Variants in ALG1L2 observed in about 807,000 individuals in gnomAD.
The protein encoded by ALG1L2 is putative glycosyltransferase ALG1L2.
ALG1L2 carries 32 observed loss-of-function variants against 29.0 expected under a neutral mutation model. The observed-to-expected ratio is 1.10, with a 90% CI of 0.83 to 1.48. The LOEUF is 1.48. ALG1L2 is among the 40% of genes most tolerant of loss of function. The pLI is 0.00. For missense variants in ALG1L2, 318 were observed against 274.1 expected, an observed-to-expected ratio of 1.16 and a Z score of -1.13; for synonymous variants, 110 against 109.5, an observed-to-expected ratio of 1.00 and a Z score of -0.03.
chr3:130,090,036 T>C (rs1365191782), intron 1 of ALG1L2, among the ~76,000 whole-genome samples: 2 of 150,816 alleles, frequency 1.3e-5, no homozygotes, highest in African/African-American at 4.9e-5. Flanking sequence ...AAGTGAAAAA[T>C]CCATCTCTAA....
At chr3:130,087,683 G>C (rs980920288) in intron 1 of ALG1L2, among the ~76,000 whole-genome samples, 1 of 130,992 alleles carries the variant, frequency 7.6e-6, no homozygotes, top group African/African-American at 2.6e-5. Flanking sequence ...GAATCTCAGC[G>C]AAGGGTATAA....
chr3:130,086,685 A>G (rs573756855), intron 1 of ALG1L2, among the ~76,000 whole-genome samples: 43 of 136,966 alleles, frequency 3.1e-4, no homozygotes, highest in Non-Finnish European at 5.5e-4. Flanking sequence ...TCTAAAAGTA[A>G]GAGAAGAGAA....
intron 4 of ALG1L2, chr3:130,094,122 T>G: frequency 2.1e-6 from 1 of 465,898 alleles, no homozygotes; most frequent in Admixed American, 3.4e-5. Context: ...ACCCAGTGGG[T>G]GGTCGCGTGC....
intron 3 of ALG1L2, among the ~76,000 whole-genome samples, chr3:130,092,723 T>C (rs1303073557): frequency 6.6e-6 from 1 of 152,170 alleles, no homozygotes; most frequent in African/African-American, 2.4e-5. Context: ...GGACTCTGGC[T>C]ACTGTTTATT....
intron 7 of ALG1L2, 90 bp downstream of exon 7, chr3:130,097,340 G>A: frequency 6.5e-7 from 1 of 1,546,548 alleles, no homozygotes; most frequent in Non-Finnish European, 8.7e-7. Flanking sequence ...ACACAGCCAG[G>A]GTGGGACCAT....
chr3:130,094,307 G>T (rs1935083266), intron 4 of ALG1L2, 96 bp from the exon 5 acceptor site: 2 of 1,476,318 alleles, frequency 1.4e-6, no homozygotes, highest in South Asian at 2.3e-5. Flanking sequence ...GAGCTTCTGG[G>T]AAAAGGATCC....
chr3:130,092,410 C>T (rs139211905), intron 3 of ALG1L2, among the ~76,000 whole-genome samples, 188 bp downstream of exon 3: 21 of 152,314 alleles, frequency 1.4e-4, no homozygotes, highest in East Asian at 5.8e-4. Flanking sequence ...TCATAGAGGA[C>T]GAAGACTTCT....
rs1402046839 is a variant in ALG1L2, at chr3:130,091,282, G to A, written c.42G>A (p.Lys14=). ...TAGWAVTVYD[K]PASFFKEAPL... ...GCAGGGCTGTGACCGTCTACGACAAGCCGGCATCTTTCTTTAAAGAGGCAC... is the reference window on the plus strand; with the variant it reads ...GCAGGGCTGTGACCGTCTACGACAAACCGGCATCTTTCTTTAAAGAGGCAC... The change falls in exon 2 of 8, where the codon AAG becomes AAA. Residue 14 remains lysine (K), a synonymous_variant. Transcript: ENST00000425059. The A allele has an allele frequency of 1.3e-6, 2 of 1,599,532 alleles. No individual in the cohort carries two copies. Among genetic ancestry groups the A allele is most frequent in the Non-Finnish European group, 1.7e-6 (2 of 1,179,768 alleles).
intron 5 of ALG1L2, 115 bp from the exon 6 acceptor site, chr3:130,095,933 TC>T (rs1203547335): frequency 9.0e-7 from 1 of 1,111,632 alleles, no homozygotes; most frequent in Non-Finnish European, 1.3e-6. Flanking sequence ...GTTGGGGATG[TC>T]GGGGGCCTTA....
intron 1 of ALG1L2, among the ~76,000 whole-genome samples, chr3:130,084,924 G>T (rs6783164): frequency 8.4e-6 from 1 of 118,650 alleles, no homozygotes; most frequent in Admixed American, 8.8e-5. Flanking sequence ...GTGTGTGTGT[G>T]TATATATATA....
At chr3:130,094,038 T>G in intron 4 of ALG1L2, 1 of 273,020 alleles carries the variant, frequency 3.7e-6, no homozygotes, top group Non-Finnish European at 7.2e-6. Flanking sequence ...CTGCGCCCTG[T>G]GGTTTGGGGG....
intron 1 of ALG1L2, among the ~76,000 whole-genome samples, chr3:130,089,027 A>G (rs1297551069): frequency 6.6e-6 from 1 of 152,270 alleles, no homozygotes; most frequent in Non-Finnish European, 1.5e-5. Flanking sequence ...TTGGATGAGT[A>G]GGGCTAGCCA....
intron 2 of ALG1L2, chr3:130,091,836 C>A (rs1450285819): frequency 2.2e-5 from 15 of 693,644 alleles, no homozygotes; most frequent in Admixed American, 1.3e-4. Context: ...GCACCCTCAT[C>A]TTGGGTCCAG....
intron 5 of ALG1L2, among the ~76,000 whole-genome samples, chr3:130,095,409 TTTA>T (rs869099473): frequency 0.24 from 28,430 of 120,782 alleles, 2,796 homozygotes; most frequent in South Asian, 0.35. Flanking sequence ...TGTGCTGTGG[TTTA>T]TTATTATTAT....
At position 130,091,304 on chromosome 3, in the gene ALG1L2, G is replaced by A. The variant is rs1200139615; in HGVS notation, c.64G>A (p.Ala22Thr). The change falls in exon 2 of 8, where the codon GCA becomes ACA. Residue 22 changes from alanine (A) to threonine (T), a missense_variant. Coordinates refer to ENST00000425059, the MANE Select transcript of ALG1L2 (RefSeq NM_001136152.1). Reference protein sequence around the residue: ...YDKPASFFKEAPLDLQHRLFM... With the variant: ...YDKPASFFKETPLDLQHRLFM... Reference sequence around the variant, plus strand: ...CAAGCCGGCATCTTTCTTTAAAGAGGCACCTCTGGACCTGCAGCACCGGCT... The same window carrying A: ...CAAGCCGGCATCTTTCTTTAAAGAGACACCTCTGGACCTGCAGCACCGGCT... 5.0e-6 allele frequency: 8 copies of A among 1,598,982 alleles called. No homozygotes were observed. The highest frequency in any genetic ancestry group is 5.0e-5 in the Admixed American group (3 of 59,990).
At chr3:130,095,045 G>C (rs1935100425) in intron 5 of ALG1L2, among the ~76,000 whole-genome samples, 1 of 152,204 alleles carries the variant, frequency 6.6e-6, no homozygotes, top group Non-Finnish European at 1.5e-5. Flanking sequence ...TCTCCAGCTA[G>C]TCTTTGTTTT....
At chr3:130,095,416 T>C (rs1443056376) in intron 5 of ALG1L2, among the ~76,000 whole-genome samples, 1 of 53,858 alleles carries the variant, frequency 1.9e-5, no homozygotes, top group African/African-American at 4.6e-5. Flanking sequence ...TGGTTTATTA[T>C]TATTATTATT....
chr3:130,089,045 G>C (rs2108117975), intron 1 of ALG1L2, among the ~76,000 whole-genome samples: 1 of 152,314 alleles, frequency 6.6e-6, no homozygotes, highest in Non-Finnish European at 1.5e-5. Context: ...CCAACTTCTG[G>C]TATTGCTGGT....
rs572831370 is a variant in ALG1L2, at chr3:130,091,271, G to A, written c.31G>A (p.Val11Ile). Reference sequence around the variant, plus strand: ...ATGATTTCATTGCAGGGCTGTGACCGTCTACGACAAGCCGGCATCTTTCTT... The same window carrying A: ...ATGATTTCATTGCAGGGCTGTGACCATCTACGACAAGCCGGCATCTTTCTT... MGATAGWAVTVYDKPASFFKE... is the reference protein window; with the variant it reads MGATAGWAVTIYDKPASFFKE... The change falls in exon 2 of 8, where the codon GTC becomes ATC. Residue 11 changes from valine (V) to isoleucine (I), a missense_variant. Physicochemically the swap from Val to Ile is conservative, Grantham distance 29. Coordinates refer to ENST00000425059, the MANE Select transcript of ALG1L2 (RefSeq NM_001136152.1). 145 of 1,599,324 alleles carry A rather than the reference G, an allele frequency of 9.1e-5. No homozygotes were observed. Among genetic ancestry groups the A allele is most frequent in the East Asian group, 4.5e-4 (20 of 44,872 alleles).
Sources: allele counts gnomAD v4.1 joint callset (sites outside exome capture counted in the v4.1 genomes callset), GRCh38; gene constraint gnomAD v4.1.1; transcripts MANE v1.5; gene names NCBI Gene and HGNC (gene_info 2026-07-23, HGNC 2026-07-21).